Variants in RBFOX1 observed in about 807,000 individuals in gnomAD.
RBFOX1 encodes RNA binding protein fox-1 homolog 1.
A neutral mutation model predicts 57.7 loss-of-function variants in RBFOX1; 8 were observed. The observed-to-expected ratio is 0.14, with a 90% CI of 0.08 to 0.25. RBFOX1 has a LOEUF of 0.25. Ranked by LOEUF, RBFOX1 falls within the 10% of genes least tolerant of loss-of-function variation. RBFOX1 has a pLI of 1.00. For missense variants in RBFOX1, 611 were observed against 548.5 expected, an observed-to-expected ratio of 1.11 and a Z score of -1.14; for synonymous variants, 326 against 222.4, an observed-to-expected ratio of 1.47 and a Z score of -4.15.
intron 4 of RBFOX1, among the ~76,000 whole-genome samples, chr16:7,069,838 C>G (rs1398198465): frequency 1.3e-5 from 2 of 152,140 alleles, no homozygotes; most frequent in African/African-American, 2.4e-5. Flanking sequence ...ATTTCCATTC[C>G]CCATTGATGT....
chr16:6,117,513 C>A (rs917942971), intron 1 of RBFOX1, among the ~76,000 whole-genome samples: 1 of 152,198 alleles, frequency 6.6e-6, no homozygotes. Flanking sequence ...CAGAATGGCT[C>A]CTCCCTCATA....
At chr16:6,806,822 A>ATG (rs2086901421) in intron 3 of RBFOX1, among the ~76,000 whole-genome samples, 1 of 74,048 alleles carries the variant, frequency 1.4e-5, no homozygotes, top group Non-Finnish European at 2.6e-5. Context: ...ATATAAATAT[A>ATG]TATATATATA....
intron 2 of RBFOX1, among the ~76,000 whole-genome samples, chr16:5,525,695 G>A (rs3892160): frequency 0.099 from 14,924 of 151,368 alleles, 1,776 homozygotes; most frequent in African/African-American, 0.29. Flanking sequence ...ACAGGGTTTC[G>A]TCATGTTGGC....
chr16:6,646,106 G>A (rs1016945070), intron 2 of RBFOX1, among the ~76,000 whole-genome samples: 2 of 151,506 alleles, frequency 1.3e-5, no homozygotes, highest in Admixed American at 1.3e-4. Context: ...ACACTTTTAA[G>A]TAGTTGAGCT....
intron 3 of RBFOX1, among the ~76,000 whole-genome samples, chr16:6,800,001 A>G (rs577448042): frequency 1.3e-5 from 2 of 152,308 alleles, no homozygotes; most frequent in East Asian, 1.9e-4. Context: ...AAACACATAT[A>G]TCCTATTAGT....
At chr16:5,619,626 C>A (rs1053861249) in intron 3 of RBFOX1, among the ~76,000 whole-genome samples, 4 of 152,192 alleles carry the variant, frequency 2.6e-5, no homozygotes, top group African/African-American at 4.8e-5. Context: ...AGTTGCTTTC[C>A]TTTACACACC....
intron 4 of RBFOX1, among the ~76,000 whole-genome samples, chr16:7,238,991 C>T (rs1048541216): frequency 1.3e-5 from 2 of 152,178 alleles, no homozygotes; most frequent in Non-Finnish European, 2.9e-5. Context: ...TTTATGGCTG[C>T]ATAGCACCCC....
chr16:7,480,787 G>T (rs564394360), intron 4 of RBFOX1, among the ~76,000 whole-genome samples: 1 of 152,296 alleles, frequency 6.6e-6, no homozygotes, highest in East Asian at 1.9e-4. Context: ...CGTAATTAAT[G>T]ATCTGCTGGG....
intron 3 of RBFOX1, among the ~76,000 whole-genome samples, chr16:5,843,092 G>A (rs2056667359): frequency 6.6e-6 from 1 of 152,178 alleles, no homozygotes; most frequent in Non-Finnish European, 1.5e-5. Context: ...CTCCCAAAGT[G>A]CTGGGATTAC....
chr16:5,545,242 T>C (rs1467298986), intron 2 of RBFOX1, among the ~76,000 whole-genome samples: 1 of 152,180 alleles, frequency 6.6e-6, no homozygotes, highest in African/African-American at 2.4e-5. Context: ...CCTCCCAAAG[T>C]GCTGGGATTA....
intron 1 of RBFOX1, among the ~76,000 whole-genome samples, chr16:5,448,143 A>G (rs933854240): frequency 3.3e-5 from 5 of 152,160 alleles, no homozygotes; most frequent in African/African-American, 1.2e-4. Context: ...CTGGTTGTCA[A>G]TAGGGGCAGC....
At chr16:5,817,978 C>T in intron 3 of RBFOX1, among the ~76,000 whole-genome samples, 1 of 151,844 alleles carries the variant, frequency 6.6e-6, no homozygotes, top group Non-Finnish European at 1.5e-5. Context: ...GCGTGAGCCA[C>T]CGCGCCTGGC....
chr16:7,520,759 G>T (rs769319917), intron 5 of RBFOX1, among the ~76,000 whole-genome samples: 19 of 152,158 alleles, frequency 1.2e-4, no homozygotes, highest in Non-Finnish European at 2.8e-4. Context: ...GTTGTTTACT[G>T]TTTGTTGGCT....
chr16:7,013,344 CAT>C (rs1478488062), intron 3 of RBFOX1, among the ~76,000 whole-genome samples: 1 of 152,178 alleles, frequency 6.6e-6, no homozygotes, highest in Admixed American at 6.5e-5. Flanking sequence ...GTGCAATAAA[CAT>C]AAACCAGTCC....
intron 1 of RBFOX1, among the ~76,000 whole-genome samples, chr16:6,061,252 C>T (rs4786809): frequency 0.55 from 82,808 of 151,772 alleles, 23,114 homozygotes; most frequent in Non-Finnish European, 0.61. Context: ...AAGTAGTGTG[C>T]GAAGTTACCA....
intron 3 of RBFOX1, among the ~76,000 whole-genome samples, chr16:7,014,103 T>A (rs1401816371): frequency 6.6e-6 from 1 of 152,216 alleles, no homozygotes; most frequent in Non-Finnish European, 1.5e-5. Flanking sequence ...ATGGCCGATT[T>A]ATTGGGACAG....
chr16:6,800,981 CAAT>C (rs997235378), intron 3 of RBFOX1, among the ~76,000 whole-genome samples: 16 of 152,130 alleles, frequency 1.1e-4, no homozygotes, highest in Admixed American at 1.0e-3. Flanking sequence ...TGTGGGAAAT[CAAT>C]AAATGTTTGT....
chr16:6,540,583 G>C (rs867512291), intron 2 of RBFOX1, among the ~76,000 whole-genome samples: 5 of 118,356 alleles, frequency 4.2e-5, no homozygotes, highest in African/African-American at 9.7e-5. Flanking sequence ...CTGTACTCCA[G>C]TCTGGGCAAC....
intron 1 of RBFOX1, among the ~76,000 whole-genome samples, chr16:6,058,352 C>CCTCTCCTTCCTCCCTG (rs1184313005): frequency 5.3e-5 from 8 of 151,856 alleles, no homozygotes; most frequent in African/African-American, 1.9e-4. Flanking sequence ...CTTCCTCCCT[C>CCTCTCCTTCCTCCCTG]TCCTTCTCAG....
Sources: gnomAD v4.1 joint callset for allele counts (sites outside exome capture counted in the v4.1 genomes callset) on GRCh38, gnomAD v4.1.1 for gene constraint, MANE v1.5 for transcripts, NCBI Gene and HGNC (gene_info 2026-07-23, HGNC 2026-07-21) for gene names.